LARGE1: variants seen among roughly 807,000 people sequenced by gnomAD.
LARGE1 encodes xylosyl- and glucuronyltransferase LARGE1.
LARGE1 carries 43 observed loss-of-function variants against 87.6 expected under a neutral mutation model. The observed-to-expected ratio is 0.49, with a 90% CI of 0.38 to 0.63. LARGE1 has a LOEUF of 0.63. LARGE1 is among the 30% of genes least tolerant of loss of function. The pLI, the probability that LARGE1 is intolerant of heterozygous loss-of-function variation, is 0.00. For synonymous variants in LARGE1, 434 were observed against 394.6 expected (o/e 1.10, Z -1.18); for missense variants, 802 against 1,000.2 (o/e 0.80, Z 2.67).
chr22:33,851,455 T>C (rs2063580848), intron 1 of LARGE1, among the ~76,000 whole-genome samples: 1 of 152,202 alleles, frequency 6.6e-6, no homozygotes, highest in South Asian at 2.1e-4. Context: ...GTGACTCAGC[T>C]CTCCAATTAA....
chr22:33,558,411 G>C (rs73882256), intron 6 of LARGE1, among the ~76,000 whole-genome samples: 1 of 152,130 alleles, frequency 6.6e-6, no homozygotes, highest in African/African-American at 2.4e-5. Flanking sequence ...AGGAAGGAAA[G>C]GGGAAAGAAA....
intron 2 of LARGE1, among the ~76,000 whole-genome samples, chr22:33,689,711 G>A (rs1438128442): frequency 6.6e-6 from 1 of 152,130 alleles, no homozygotes; most frequent in Non-Finnish European, 1.5e-5. Context: ...TGGATCACGA[G>A]GTCAGGGGTT....
At chr22:33,289,398 C>T (rs1932132095) in intron 12 of LARGE1, among the ~76,000 whole-genome samples, 1 of 152,236 alleles carries the variant, frequency 6.6e-6, no homozygotes. Flanking sequence ...ACTTCAGGCC[C>T]ATTCTGCAAC....
At chr22:33,745,297 GA>G (rs999214925) in intron 2 of LARGE1, among the ~76,000 whole-genome samples, 23 of 152,126 alleles carry the variant, frequency 1.5e-4, no homozygotes, top group African/African-American at 5.6e-4. Flanking sequence ...GAAGACTGGT[GA>G]GAGCAAAATG....
At chr22:33,829,209 A>G (rs1001248101) in intron 1 of LARGE1, among the ~76,000 whole-genome samples, 2 of 151,658 alleles carry the variant, frequency 1.3e-5, no homozygotes, top group African/African-American at 2.4e-5. Context: ...GGGTTTCGCC[A>G]TGTTGTCCAG....
chr22:33,226,027 T>G (rs1925715964), intron 11 of LARGE1, among the ~76,000 whole-genome samples: 1 of 152,246 alleles, frequency 6.6e-6, no homozygotes, highest in Non-Finnish European at 1.5e-5. Context: ...AACATTTGCA[T>G]GCATGAGTCT....
At chr22:33,657,188 A>G (rs2080986380) in intron 2 of LARGE1, 1 of 152,244 alleles carries the variant, frequency 6.6e-6, no homozygotes, top group South Asian at 2.1e-4. Context: ...AGTCTAGGAA[A>G]GCAAACTCTT....
chr22:33,248,650 A>C (rs1318563992), intron 11 of LARGE1, among the ~76,000 whole-genome samples: 1 of 152,184 alleles, frequency 6.6e-6, no homozygotes, highest in Non-Finnish European at 1.5e-5. Flanking sequence ...GTATAATGAC[A>C]TGTATCCACC....
intron 11 of LARGE1, among the ~76,000 whole-genome samples, chr22:33,258,288 T>G (rs1475912229): frequency 1.3e-5 from 2 of 152,186 alleles, no homozygotes; most frequent in East Asian, 3.9e-4. Context: ...CACCTTGGCC[T>G]CCCAAAGTGC....
At chr22:33,539,348 G>A (rs764651959) in intron 6 of LARGE1, among the ~76,000 whole-genome samples, 1 of 151,844 alleles carries the variant, frequency 6.6e-6, no homozygotes, top group African/African-American at 2.4e-5. Flanking sequence ...ATGGGCATCC[G>A]CACTTCACAC....
intron 6 of LARGE1, among the ~76,000 whole-genome samples, chr22:33,502,413 G>A (rs1314651667): frequency 6.6e-6 from 1 of 152,158 alleles, no homozygotes; most frequent in African/African-American, 2.4e-5. Context: ...CTGAAAAGAA[G>A]GGACATGAGG....
downstream of LARGE1, among the ~76,000 whole-genome samples, chr22:33,269,531 T>G (rs1001438571): frequency 6.6e-6 from 1 of 152,216 alleles, no homozygotes; most frequent in African/African-American, 2.4e-5. Flanking sequence ...GAGCCCTTAT[T>G]TTCTTTCTTC....
intron 6 of LARGE1, among the ~76,000 whole-genome samples, chr22:33,507,624 G>A (rs1264555289): frequency 6.6e-6 from 1 of 152,194 alleles, no homozygotes; most frequent in Non-Finnish European, 1.5e-5. Context: ...AAGTTCTGGA[G>A]ATGGATGGTG....
chr22:33,100,743 C>T, the LARGE1 span, among the ~76,000 whole-genome samples: 1 of 152,306 alleles, frequency 6.6e-6, no homozygotes, highest in East Asian at 1.9e-4. Context: ...TGCTGGTTCA[C>T]TACCACCATT....
At chr22:33,375,670 A>T (rs2064968345) in intron 9 of LARGE1, among the ~76,000 whole-genome samples, 1 of 152,264 alleles carries the variant, frequency 6.6e-6, no homozygotes, top group Non-Finnish European at 1.5e-5. Flanking sequence ...CAGGAACATT[A>T]GGACTGTAAG....
chr22:33,149,712 C>A, the LARGE1 span, among the ~76,000 whole-genome samples: 2 of 152,146 alleles, frequency 1.3e-5, no homozygotes, highest in African/African-American at 4.8e-5. Context: ...CAGAAGATTG[C>A]ACTTCTGGAG....
At chr22:33,697,142 C>T (rs551003130) in intron 2 of LARGE1, among the ~76,000 whole-genome samples, 2 of 152,090 alleles carry the variant, frequency 1.3e-5, no homozygotes, top group Non-Finnish European at 2.9e-5. Flanking sequence ...CTTCTGCTGC[C>T]GTTTTCTGGC....
intron 4 of LARGE1, among the ~76,000 whole-genome samples, chr22:33,609,555 G>A (rs902389244): frequency 2.0e-5 from 3 of 152,196 alleles, no homozygotes; most frequent in Non-Finnish European, 4.4e-5. Context: ...CAGCAGGGAA[G>A]TGCAGTTGAC....
chr22:33,561,369 G>A (rs936641603), intron 6 of LARGE1, among the ~76,000 whole-genome samples: 1 of 152,212 alleles, frequency 6.6e-6, no homozygotes, highest in African/African-American at 2.4e-5. Flanking sequence ...TAGTCAGACA[G>A]GTGTAAACTG....
Sources: allele counts gnomAD v4.1 joint callset (sites outside exome capture counted in the v4.1 genomes callset), GRCh38; gene constraint gnomAD v4.1.1; transcripts MANE v1.5; gene names NCBI Gene and HGNC (gene_info 2026-07-23, HGNC 2026-07-21).